Variants in SARDH observed in about 807,000 individuals in gnomAD.
SARDH encodes sarcosine dehydrogenase, also known as sarcosine dehydrogenase, mitochondrial.
Under a neutral mutation model 109.1 loss-of-function variants are expected in SARDH, and 95 were observed. The ratio of observed to expected loss-of-function variants is 0.87; its 90% CI spans 0.74 to 1.03. The LOEUF (loss-of-function observed/expected upper bound fraction) is 1.03, where lower values mean the gene tolerates loss of function less well. SARDH is among the 50% of genes least tolerant of loss of function. The pLI is 0.00. For synonymous variants in SARDH, 572 were observed against 534.8 expected, an observed-to-expected ratio of 1.07 and a Z score of -0.96; for missense variants, 1,267 against 1,287.8, an observed-to-expected ratio of 0.98 and a Z score of 0.25.
chr9:133,696,413 T>A (rs1376415710), intron 13 of SARDH, 52 bp from the exon 14 acceptor site: 2 of 1,612,172 alleles, frequency 1.2e-6, no homozygotes. Flanking sequence ...GGGGTGTGCT[T>A]CTTCCTCAAG....
At chr9:133,711,999 T>C (rs1199034387) in intron 10 of SARDH, among the ~76,000 whole-genome samples, 4 of 152,184 alleles carry the variant, frequency 2.6e-5, no homozygotes, top group African/African-American at 9.7e-5. Context: ...GCCATCGGGA[T>C]AGGCTGCCGT....
At chr9:133,702,495 C>A (rs1187163453) in intron 13 of SARDH, among the ~76,000 whole-genome samples, 1 of 152,244 alleles carries the variant, frequency 6.6e-6, no homozygotes, top group African/African-American at 2.4e-5. Context: ...GCCCAGGAGC[C>A]TGCGGCCCCC....
At chr9:133,697,197 G>A (rs1398876988) in intron 13 of SARDH, among the ~76,000 whole-genome samples, 1 of 152,076 alleles carries the variant, frequency 6.6e-6, no homozygotes, top group Non-Finnish European at 1.5e-5. Flanking sequence ...GACACGAAAT[G>A]GACAAATTCC....
rs143904989 is a variant in SARDH, at chr9:133,671,635, C to T, written c.2226G>A (p.Ala742=). ...ELGWELHIPK[A]SCVPVYRAVM... ...CAGCCCGGTACACAGGCACGCAGGA[C>T]GCCTTTGGAATGTGCAGCTCCCAGC... The change falls in exon 18 of 21, where the codon GCG becomes GCA. Residue 742 remains alanine (A), a synonymous_variant. Coordinates refer to ENST00000439388, the MANE Select transcript of SARDH (RefSeq NM_001134707.2). 351 of 1,598,604 alleles carry T rather than the reference C, an allele frequency of 2.2e-4. No individual in the cohort carries two copies. The Middle Eastern group carries it at 2.8e-3, about 13-fold the overall frequency.
chr9:133,700,169 A>C (rs1831429998), intron 13 of SARDH, among the ~76,000 whole-genome samples: 1 of 152,182 alleles, frequency 6.6e-6, no homozygotes, highest in African/African-American at 2.4e-5. Flanking sequence ...TCTATTAAAA[A>C]TACAAAAATT....
intron 11 of SARDH, among the ~76,000 whole-genome samples, chr9:133,707,372 C>A (rs974929657): frequency 9.2e-5 from 14 of 152,144 alleles, no homozygotes; most frequent in Non-Finnish European, 1.9e-4. Context: ...GCTAGGGAGA[C>A]CCCAGGGCCA....
chr9:133,704,827 C>G lies in SARDH; in HGVS notation c.1554+121G>C. On this transcript the variant is annotated intron_variant, in intron 12 of 20. Coordinates refer to ENST00000439388, the MANE Select transcript of SARDH (RefSeq NM_001134707.2). The surrounding 1 kb of genome is among the most constrained non-coding windows in gnomAD (Gnocchi z 4.5). ...TTCCCGTGTGCAGAATAACTGATCA[C>G]GACAGTGGAACCACCTGGGGAGGCG... 1 of 818,632 alleles carries G rather than the reference C, an allele frequency of 1.2e-6. No homozygotes were observed. The highest frequency in any genetic ancestry group is 2.0e-6 in the Non-Finnish European group (1 of 500,462). The allele number at this position is 818,632 out of a possible 1,614,324, so 50.7% of individuals were successfully genotyped here. A position where few individuals can be genotyped will look rare whatever the true frequency, so the allele number is the denominator to read the frequency against.
rs568325419 is a variant in SARDH, at chr9:133,725,517, C to CA, written c.915+4247dup. ...GTGAAACTCCGTCTCTACTAAAATA[C>CA]AAAAAAAAATCAGCCGGGTGTGGTG... On this transcript the variant is annotated intron_variant, in intron 6 of 20. Transcript: ENST00000439388. The CA allele has an allele frequency of 1.9e-3, 813 of 425,334 alleles. 1 individual carries two copies. The highest frequency in any genetic ancestry group is 8.4e-3 in the South Asian group (503 of 59,560). The allele number at this position is 425,334 out of a possible 1,614,324, so 26.3% of individuals were successfully genotyped here. A position where few individuals can be genotyped will look rare whatever the true frequency, so the allele number is the denominator to read the frequency against.
chr9:133,727,733 G>A (rs1347566546), intron 6 of SARDH, among the ~76,000 whole-genome samples: 1 of 152,194 alleles, frequency 6.6e-6, no homozygotes, highest in Non-Finnish European at 1.5e-5. Flanking sequence ...CGGTACCAGA[G>A]GCACGCTGGG....
At position 133,670,642 on chromosome 9, in the gene SARDH, G is replaced by A. The variant is rs759859356; in HGVS notation, c.2437C>T (p.Leu813=). The change falls in exon 19 of 21, where the codon CTG becomes TTG. Residue 813 remains leucine (L), a synonymous_variant. Coordinates refer to ENST00000439388, the MANE Select transcript of SARDH (RefSeq NM_001134707.2). ...SPVPFLGREA[L]EQQRAAGLRR... is the part of the protein sequence containing the mutation. Reference sequence around the variant, plus strand: ...AGGCCTGCGGCCCGCTGCTGCTCCAGGGCCTCCCTCCCCAGGAAGGGCACC... The same window carrying A: ...AGGCCTGCGGCCCGCTGCTGCTCCAAGGCCTCCCTCCCCAGGAAGGGCACC... The A allele has an allele frequency of 1.3e-6, 2 of 1,587,516 alleles. No individual in the cohort carries two copies. Among genetic ancestry groups the A allele is most frequent in the South Asian group, 1.1e-5 (1 of 87,204 alleles).
chr9:133,689,872 G>A (rs1052555362), intron 16 of SARDH, among the ~76,000 whole-genome samples: 28 of 152,288 alleles, frequency 1.8e-4, no homozygotes, highest in African/African-American at 6.0e-4. Context: ...GGTCTTCCCC[G>A]GTCCTGGTTT....
At chr9:133,717,180 G>T in intron 8 of SARDH, 146 bp downstream of exon 8, 1 of 989,818 alleles carries the variant, frequency 1.0e-6, no homozygotes, top group Non-Finnish European at 1.5e-6. Flanking sequence ...AGTACCCAGG[G>T]CTGCTGGAGC....
chr9:133,669,550 G>A (rs1830261044), intron 19 of SARDH, among the ~76,000 whole-genome samples: 1 of 151,730 alleles, frequency 6.6e-6, no homozygotes, highest in Admixed American at 6.6e-5. Context: ...CAACCCAAGT[G>A]GGACTCGGGT....
chr9:133,731,316 G>T lies in SARDH; in HGVS notation c.679C>A (p.Arg227=). The T allele has an allele frequency of 6.2e-7, 1 of 1,614,086 alleles. No individual in the cohort carries two copies. The highest frequency in any genetic ancestry group is 8.5e-7 in the Non-Finnish European group (1 of 1,180,000). The part of the protein sequence containing the change: ...CTTLARAASA[R]GAQVIENCPV... ...GCGGCCATCAGTACCTGTGCTCCTCGGGCAGAAGCTGCCCTGGCGAGGGTG... is the reference window on the plus strand; with the variant it reads ...GCGGCCATCAGTACCTGTGCTCCTCTGGCAGAAGCTGCCCTGGCGAGGGTG... The change falls in exon 4 of 21, where the codon CGA becomes AGA. Residue 227 remains arginine (R), a synonymous_variant. Transcript: ENST00000439388.
At chr9:133,730,462 C>CTTT (rs66513485) in intron 4 of SARDH, among the ~76,000 whole-genome samples, 1,074 of 76,448 alleles carry the variant, frequency 0.014, 17 homozygotes, top group African/African-American at 0.044. Context: ...AAGTAGCTGA[C>CTTT]TTTTTTTTAA....
chr9:133,659,651 T>G (rs1325542141), downstream of SARDH, among the ~76,000 whole-genome samples: 1 of 152,214 alleles, frequency 6.6e-6, no homozygotes, highest in Non-Finnish European at 1.5e-5. Flanking sequence ...AAGCGGCTGC[T>G]GCTTCTGCAA....
At chr9:133,682,129 A>T (rs1210450594) in intron 17 of SARDH, among the ~76,000 whole-genome samples, 2 of 152,130 alleles carry the variant, frequency 1.3e-5, no homozygotes, top group East Asian at 3.9e-4. Context: ...GTCAGCATCT[A>T]CTGGGAGGAC....
chr9:133,712,572 C>T lies in SARDH; in HGVS notation c.1328+47G>A. ...GCCCTCGCTGTTTACCCCACGCCAC[C>T]TGTCCTGAGTGGCGGGCCCTGCCCT... On this transcript the variant is annotated intron_variant, in intron 10 of 20. Coordinates refer to ENST00000439388, the MANE Select transcript of SARDH (RefSeq NM_001134707.2). The surrounding 1 kb of genome is among the most constrained non-coding windows in gnomAD (Gnocchi z 4.1). The T allele has an allele frequency of 6.6e-7, 1 of 1,521,366 alleles. No homozygotes were observed. The highest frequency in any genetic ancestry group is 9.1e-7 in the Non-Finnish European group (1 of 1,104,542). The allele number at this position is 1,521,366 out of a possible 1,614,324, so 94.2% of individuals were successfully genotyped here.
At chr9:133,700,986 TCTC>T (rs1473287919) in intron 13 of SARDH, among the ~76,000 whole-genome samples, 2 of 152,156 alleles carry the variant, frequency 1.3e-5, no homozygotes, top group Non-Finnish European at 2.9e-5. Context: ...AGCTGTTTCA[TCTC>T]CTCCCAAACT....
Sources: gnomAD v4.1 joint callset for allele counts (sites outside exome capture counted in the v4.1 genomes callset) on GRCh38, gnomAD v4.1.1 for gene constraint, Gnocchi (gnomAD v3.1) non-coding constraint, MANE v1.5 for transcripts, NCBI Gene and HGNC (gene_info 2026-07-23, HGNC 2026-07-21) for gene names.